The following RANBP2 variants were observed in gnomAD, a reference collection of about 807,000 sequenced individuals.
RANBP2 encodes RAN binding protein 2, also known as E3 SUMO-protein ligase RanBP2.
In RANBP2, 57 loss-of-function variants were observed where a neutral mutation model predicts 303.6. The ratio of observed to expected loss-of-function variants is 0.19; its 90% confidence interval spans 0.15 to 0.23. RANBP2 has a LOEUF of 0.23. Ranked by LOEUF, RANBP2 falls within the 10% of genes least tolerant of loss-of-function variation. The pLI, the probability that RANBP2 is intolerant of heterozygous loss-of-function variation, is 1.00. For synonymous variants in RANBP2, 1,167 were observed against 1,301.5 expected (o/e 0.90, Z 2.23); for missense variants, 3,138 against 3,780.8 (o/e 0.83, Z 4.46).
chr2:109,190,044 A>G, the RANBP2 span, among the ~76,000 whole-genome samples: 1 of 152,266 alleles, frequency 6.6e-6, no homozygotes, highest in Non-Finnish European at 1.5e-5. Context: ...GAAACTTCCA[A>G]GTGCTCTTTG....
At chr2:108,938,104 C>A in the RANBP2 span, among the ~76,000 whole-genome samples, 1 of 152,204 alleles carries the variant, frequency 6.6e-6, no homozygotes, top group Non-Finnish European at 1.5e-5. Flanking sequence ...ACTCTCTGTG[C>A]ATCACTGAAT....
chr2:109,608,580 G>A, the RANBP2 span, among the ~76,000 whole-genome samples: 2 of 152,308 alleles, frequency 1.3e-5, no homozygotes, highest in East Asian at 3.9e-4. Context: ...ACAGACCAGG[G>A]AGCCTGACCA....
chr2:109,338,837 GC>G, the RANBP2 span, among the ~76,000 whole-genome samples: 1 of 152,114 alleles, frequency 6.6e-6, no homozygotes, highest in South Asian at 2.1e-4. Flanking sequence ...GAGCCATTGC[GC>G]CAAGTCTTGC....
the RANBP2 span, among the ~76,000 whole-genome samples, chr2:109,724,950 C>G: frequency 6.6e-6 from 1 of 152,150 alleles, no homozygotes; most frequent in African/African-American, 2.4e-5. Flanking sequence ...TTAGGCCTCC[C>G]CTTGGGGGAG....
chr2:108,747,882 A>G (rs888562462), intron 8 of RANBP2, among the ~76,000 whole-genome samples: 35 of 152,168 alleles, frequency 2.3e-4, no homozygotes, highest in African/African-American at 8.2e-4. Flanking sequence ...GAGTATTACC[A>G]CTGTCACCAC....
the RANBP2 span, among the ~76,000 whole-genome samples, chr2:109,557,835 T>C: frequency 2.0e-5 from 3 of 151,672 alleles, no homozygotes; most frequent in African/African-American, 7.2e-5. Flanking sequence ...TAAAAGTAGC[T>C]TGCTGTCATA....
chr2:109,091,058 C>T, the RANBP2 span, among the ~76,000 whole-genome samples: 1 of 152,162 alleles, frequency 6.6e-6, no homozygotes, highest in East Asian at 1.9e-4. Flanking sequence ...AGACCCTGAT[C>T]TCTACAAAAA....
At chr2:109,349,514 G>A in the RANBP2 span, among the ~76,000 whole-genome samples, 1 of 152,136 alleles carries the variant, frequency 6.6e-6, no homozygotes, top group Admixed American at 6.5e-5. Flanking sequence ...CCCCCTAAGA[G>A]AAGACCTGGG....
chr2:108,740,849 T>C (rs1407997685), intron 7 of RANBP2, among the ~76,000 whole-genome samples, 168 bp downstream of exon 7: 1 of 150,708 alleles, frequency 6.6e-6, no homozygotes, highest in African/African-American at 2.5e-5. Context: ...ACAATACTGG[T>C]GAGGCTGGTG....
chr2:109,220,891 T>C, the RANBP2 span, among the ~76,000 whole-genome samples: 1 of 152,246 alleles, frequency 6.6e-6, no homozygotes, highest in African/African-American at 2.4e-5. Flanking sequence ...CAGAATTAAC[T>C]ATATAATCCA....
At chr2:108,998,290 T>C in the RANBP2 span, among the ~76,000 whole-genome samples, 6 of 152,216 alleles carry the variant, frequency 3.9e-5, no homozygotes, top group Non-Finnish European at 7.3e-5. Context: ...CCTCGGATAA[T>C]GCTGTTTCCA....
the RANBP2 span, among the ~76,000 whole-genome samples, chr2:109,679,350 G>T: frequency 6.6e-6 from 1 of 152,094 alleles, no homozygotes. Flanking sequence ...TCAGTTTTGG[G>T]GTTACAAATG....
At chr2:108,877,959 T>A in the RANBP2 span, among the ~76,000 whole-genome samples, 1 of 152,192 alleles carries the variant, frequency 6.6e-6, no homozygotes, top group East Asian at 1.9e-4. Flanking sequence ...GGAGAAGATT[T>A]TTAATCCAAG....
At chr2:109,591,049 TG>T in the RANBP2 span, among the ~76,000 whole-genome samples, 1 of 152,214 alleles carries the variant, frequency 6.6e-6, no homozygotes, top group African/African-American at 2.4e-5. Flanking sequence ...GCTAAATTTG[TG>T]ACGATTTGTT....
chr2:108,726,316 G>A (rs142398610), intron 1 of RANBP2, among the ~76,000 whole-genome samples: 311 of 152,186 alleles, frequency 2.0e-3, no homozygotes, highest in African/African-American at 7.2e-3. Context: ...CAGTGCTTGT[G>A]TTCAAGTAAC....
the RANBP2 span, among the ~76,000 whole-genome samples, chr2:108,922,680 G>A: frequency 1.3e-5 from 2 of 152,100 alleles, no homozygotes; most frequent in East Asian, 3.9e-4. Context: ...GAAGGAGCCA[G>A]AGGGTGGCAA....
At chr2:109,634,258 T>G in the RANBP2 span, among the ~76,000 whole-genome samples, 3 of 151,244 alleles carry the variant, frequency 2.0e-5, no homozygotes, top group Non-Finnish European at 4.4e-5. Context: ...TCCAACAAAT[T>G]GCAAGCAGAA....
the RANBP2 span, among the ~76,000 whole-genome samples, chr2:109,637,583 G>A: frequency 1.3e-5 from 2 of 152,088 alleles, no homozygotes; most frequent in African/African-American, 4.8e-5. Context: ...AGAGAATGGC[G>A]ATGACTTTTA....
At chr2:108,830,040 G>A in the RANBP2 span, among the ~76,000 whole-genome samples, 1 of 152,206 alleles carries the variant, frequency 6.6e-6, no homozygotes, top group Non-Finnish European at 1.5e-5. Context: ...CCATGGATGA[G>A]TGGATAAACA....
Sources: gnomAD v4.1 joint callset for allele counts (sites outside exome capture counted in the v4.1 genomes callset) on GRCh38, gnomAD v4.1.1 for gene constraint, MANE v1.5 for transcripts, NCBI Gene and HGNC (gene_info 2026-07-23, HGNC 2026-07-21) for gene names.